The following SYT9 variants were observed in gnomAD, a reference collection of about 807,000 sequenced individuals.
SYT9 encodes the protein synaptotagmin 9.
A neutral mutation model predicts 48.4 loss-of-function variants in SYT9; 22 were observed. The ratio of observed to expected loss-of-function variants is 0.45; its 90% CI spans 0.32 to 0.65. SYT9 has a LOEUF of 0.65. Ranked by LOEUF, SYT9 falls within the 30% of genes least tolerant of loss-of-function variation. The pLI, the probability that SYT9 is intolerant of heterozygous loss-of-function variation, is 0.03. For synonymous variants in SYT9, 265 were observed against 245.0 expected (o/e 1.08, Z -0.76); for missense variants, 577 against 622.0 (o/e 0.93, Z 0.77).
chr11:7,444,368 T>G (rs1420230108), intron 6 of SYT9: 4 of 152,238 alleles, frequency 2.6e-5, no homozygotes, highest in Non-Finnish European at 5.9e-5. Context: ...TGACCGACTT[T>G]TCTTCAATGA....
intron 3 of SYT9, among the ~76,000 whole-genome samples, chr11:7,370,201 C>T (rs1351235311): frequency 6.6e-6 from 1 of 152,184 alleles, no homozygotes; most frequent in Non-Finnish European, 1.5e-5. Flanking sequence ...TCTCCAGTCT[C>T]ATCCAGGTCT....
At chr11:7,455,699 T>C (rs1848138788) in intron 6 of SYT9, among the ~76,000 whole-genome samples, 1 of 152,058 alleles carries the variant, frequency 6.6e-6, no homozygotes, top group Admixed American at 6.5e-5. Flanking sequence ...TAAATCACCA[T>C]TGGAGAAAGA....
chr11:7,289,425 G>A (rs551895900), intron 1 of SYT9, among the ~76,000 whole-genome samples: 1 of 152,328 alleles, frequency 6.6e-6, no homozygotes, highest in Admixed American at 6.5e-5. Context: ...CAGGATAAAT[G>A]TAGTTAATTA....
chr11:7,279,177 C>G (rs1848449273), intron 1 of SYT9, among the ~76,000 whole-genome samples: 1 of 152,114 alleles, frequency 6.6e-6, no homozygotes, highest in South Asian at 2.1e-4. Flanking sequence ...TGGTGTCCAT[C>G]TCTGGCAAAG....
intron 6 of SYT9, among the ~76,000 whole-genome samples, chr11:7,464,168 C>G (rs917578100): frequency 6.6e-6 from 1 of 152,086 alleles, no homozygotes; most frequent in South Asian, 2.1e-4. Flanking sequence ...GTGCACAGAA[C>G]TGTGGGGGCA....
At chr11:7,425,783 G>A (rs773630090) in intron 6 of SYT9, among the ~76,000 whole-genome samples, 1 of 152,124 alleles carries the variant, frequency 6.6e-6, no homozygotes, top group African/African-American at 2.4e-5. Context: ...AGGGGATGGC[G>A]AAAGAGAAGT....
chr11:7,323,658 G>A (rs988131807), intron 3 of SYT9, among the ~76,000 whole-genome samples: 3 of 151,912 alleles, frequency 2.0e-5, no homozygotes, highest in Admixed American at 6.6e-5. Context: ...AGAGAATCAT[G>A]TGTTTTGTTC....
At chr11:7,319,973 G>C (rs1430479918) in intron 3 of SYT9, among the ~76,000 whole-genome samples, 3 of 152,094 alleles carry the variant, frequency 2.0e-5, no homozygotes, top group Non-Finnish European at 4.4e-5. Context: ...TTACCTGAAG[G>C]AGTTTCTGTG....
intron 3 of SYT9, among the ~76,000 whole-genome samples, chr11:7,315,174 T>C (rs1385891056): frequency 6.6e-6 from 1 of 152,208 alleles, no homozygotes; most frequent in South Asian, 2.1e-4. Context: ...GTGCAGAGAA[T>C]AGCAGTTGAT....
At chr11:7,301,166 G>A (rs1564852936) in intron 1 of SYT9, among the ~76,000 whole-genome samples, 8 of 152,114 alleles carry the variant, frequency 5.3e-5, no homozygotes, top group Admixed American at 5.2e-4. Flanking sequence ...GATTTGAGGA[G>A]ACAAAAGTGA....
At chr11:7,354,873 C>G (rs1849986469) in intron 3 of SYT9, among the ~76,000 whole-genome samples, 1 of 152,010 alleles carries the variant, frequency 6.6e-6, no homozygotes, top group Non-Finnish European at 1.5e-5. Flanking sequence ...ATGGCATTGC[C>G]TCTCAGGAAT....
intron 3 of SYT9, among the ~76,000 whole-genome samples, chr11:7,395,876 A>G (rs1846742974): frequency 6.6e-6 from 1 of 151,950 alleles, no homozygotes; most frequent in Non-Finnish European, 1.5e-5. Flanking sequence ...TTCTGTTATG[A>G]TGTTGTTAGC....
At chr11:7,319,698 G>A (rs1849305805) in intron 3 of SYT9, among the ~76,000 whole-genome samples, 1 of 152,202 alleles carries the variant, frequency 6.6e-6, no homozygotes, top group African/African-American at 2.4e-5. Context: ...CAGGCATGAT[G>A]TTGGGGATAA....
At chr11:7,348,404 G>T (rs1047723932) in intron 3 of SYT9, among the ~76,000 whole-genome samples, 1 of 152,192 alleles carries the variant, frequency 6.6e-6, no homozygotes, top group Non-Finnish European at 1.5e-5. Context: ...TTTCGGGTCA[G>T]TTTGCATCCT....
intron 4 of SYT9, 52 bp from the exon 5 acceptor site, chr11:7,417,905 C>T: frequency 1.3e-6 from 2 of 1,574,466 alleles, no homozygotes; most frequent in South Asian, 2.4e-5. Context: ...TAACTGCCCA[C>T]CTAAATCTAT....
chr11:7,297,550 C>A (rs1384629143), intron 1 of SYT9, among the ~76,000 whole-genome samples: 3 of 151,896 alleles, frequency 2.0e-5, no homozygotes, highest in African/African-American at 4.8e-5. Context: ...TGTTTTAAAC[C>A]CAATCACGTA....
intron 1 of SYT9, among the ~76,000 whole-genome samples, chr11:7,300,771 G>A (rs764554333): frequency 6.6e-6 from 1 of 152,116 alleles, no homozygotes; most frequent in South Asian, 2.1e-4. Flanking sequence ...TTCCTCCTTC[G>A]TGGTCCCCCA....
At chr11:7,284,119 T>G (rs957254693) in intron 1 of SYT9, among the ~76,000 whole-genome samples, 1 of 152,192 alleles carries the variant, frequency 6.6e-6, no homozygotes, top group African/African-American at 2.4e-5. Context: ...CATAAAATAC[T>G]TAGGATATTT....
intron 6 of SYT9, among the ~76,000 whole-genome samples, chr11:7,445,956 C>T (rs1392498827): frequency 2.0e-5 from 3 of 152,218 alleles, no homozygotes; most frequent in Non-Finnish European, 4.4e-5. Flanking sequence ...GTACGTGGCT[C>T]CTGTGCTGAA....
Sources: gnomAD v4.1 joint callset for allele counts (sites outside exome capture counted in the v4.1 genomes callset) on GRCh38, gnomAD v4.1.1 for gene constraint, MANE v1.5 for transcripts, NCBI Gene and HGNC (gene_info 2026-07-23, HGNC 2026-07-21) for gene names.